THSD7B: variants seen among roughly 807,000 people sequenced by gnomAD.
THSD7B encodes the protein thrombospondin type-1 domain-containing protein 7B.
THSD7B carries 138 observed loss-of-function variants against 213.6 expected under a neutral mutation model. The ratio of observed to expected loss-of-function variants is 0.65; its 90% CI spans 0.56 to 0.74. The LOEUF is 0.74. THSD7B is among the 30% of genes least tolerant of loss of function. The pLI is 0.00. For missense variants in THSD7B, 1,931 were observed against 1,991.5 expected (o/e 0.97, Z 0.58); for synonymous variants, 742 against 687.0 (o/e 1.08, Z -1.25).
chr2:136,787,191 A>G (rs1681876171), intron 1 of THSD7B, among the ~76,000 whole-genome samples: 1 of 152,206 alleles, frequency 6.6e-6, no homozygotes, highest in African/African-American at 2.4e-5. Flanking sequence ...AGAGCACCTT[A>G]CAAATGAAAT....
chr2:137,026,125 C>T (rs1262932804), intron 2 of THSD7B, among the ~76,000 whole-genome samples: 1 of 152,090 alleles, frequency 6.6e-6, no homozygotes, highest in Non-Finnish European at 1.5e-5. Flanking sequence ...AATGATAGAA[C>T]AGGGATGGCA....
chr2:137,602,723 G>C (rs980731419), intron 17 of THSD7B, among the ~76,000 whole-genome samples: 3 of 152,118 alleles, frequency 2.0e-5, no homozygotes, highest in Non-Finnish European at 2.9e-5. Flanking sequence ...ACCCACTCTT[G>C]GGATAACAGA....
At chr2:137,622,934 T>A (rs536657973) in intron 20 of THSD7B, among the ~76,000 whole-genome samples, 1 of 152,196 alleles carries the variant, frequency 6.6e-6, no homozygotes, top group South Asian at 2.1e-4. Context: ...TCTGAAACTA[T>A]TCCAATCAAT....
At chr2:137,656,385 G>A (rs558355922) in intron 22 of THSD7B, among the ~76,000 whole-genome samples, 31 of 152,166 alleles carry the variant, frequency 2.0e-4, no homozygotes, top group African/African-American at 6.7e-4. Context: ...TGGTCCAAAA[G>A]ATAGTTCATT....
intron 14 of THSD7B, among the ~76,000 whole-genome samples, chr2:137,418,913 C>T (rs1686858718): frequency 6.7e-6 from 1 of 149,368 alleles, no homozygotes; most frequent in African/African-American, 2.5e-5. Context: ...ATATGTCTCA[C>T]TTTTTTTTTT....
chr2:137,098,452 T>C (rs1030190457), intron 4 of THSD7B, among the ~76,000 whole-genome samples: 1 of 152,064 alleles, frequency 6.6e-6, no homozygotes, highest in African/African-American at 2.4e-5. Flanking sequence ...ATGGTCCACT[T>C]GGTGGAAGAG....
At chr2:136,915,160 T>A (rs1406578320) in intron 2 of THSD7B, among the ~76,000 whole-genome samples, 5 of 152,208 alleles carry the variant, frequency 3.3e-5, no homozygotes, top group Non-Finnish European at 7.3e-5. Context: ...TGGAACCACA[T>A]CCATGCATTG....
At chr2:137,318,820 G>A (rs1389444738) in intron 12 of THSD7B, among the ~76,000 whole-genome samples, 24 of 109,610 alleles carry the variant, frequency 2.2e-4, no homozygotes, top group Non-Finnish European at 3.8e-4. Context: ...TTGAGATGGA[G>A]TCTCACTCTT....
At chr2:137,239,320 G>A (rs1190593166) in intron 9 of THSD7B, among the ~76,000 whole-genome samples, 1 of 151,602 alleles carries the variant, frequency 6.6e-6, no homozygotes, top group Non-Finnish European at 1.5e-5. Context: ...TTTTTTTTCT[G>A]TCTCTCTCTG....
Position 137,231,124 on chromosome 2 carries a change from T to C in THSD7B, c.1804T>C (p.Cys602Arg). The part of the protein sequence containing the change: ...KSCEIPCRMD[C>R]VLSEWTEWSS... The stretch of plus-strand genomic sequence containing the variant: ...TTGTGAAATTCCCTGCCGAATGGAC[T>C]GTGTGCTGAGCGAGTGGACGGAGTG... The change falls in exon 8 of 28, where the codon TGT becomes CGT. Residue 602 changes from cysteine to arginine, a missense_variant. Cys to Arg is a radical substitution (Grantham distance 180). Coordinates refer to ENST00000409968, the MANE Select transcript of THSD7B (RefSeq NM_001316349.2). 6.2e-7 allele frequency: 1 copy of C among 1,613,890 alleles called. No individual in the cohort carries two copies. Among genetic ancestry groups the C allele is most frequent in the Non-Finnish European group, 8.5e-7 (1 of 1,179,812 alleles).
chr2:137,475,704 C>A (rs1330551164), intron 15 of THSD7B, among the ~76,000 whole-genome samples: 1 of 151,992 alleles, frequency 6.6e-6, no homozygotes, highest in Non-Finnish European at 1.5e-5. Context: ...TTACATTTTC[C>A]TTATTGATAA....
intron 21 of THSD7B, among the ~76,000 whole-genome samples, chr2:137,652,905 A>G (rs1306102469): frequency 6.6e-6 from 1 of 152,068 alleles, no homozygotes; most frequent in East Asian, 1.9e-4. Flanking sequence ...TTATATTATC[A>G]TTCTTAGGTT....
At chr2:137,264,302 G>T (rs1281564958) in intron 10 of THSD7B, among the ~76,000 whole-genome samples, 1 of 151,432 alleles carries the variant, frequency 6.6e-6, no homozygotes, top group Non-Finnish European at 1.5e-5. Flanking sequence ...GCCCAGGCTG[G>T]GGTGCAGTGG....
intron 15 of THSD7B, among the ~76,000 whole-genome samples, chr2:137,543,603 A>G (rs1481775921): frequency 1.3e-5 from 2 of 151,896 alleles, no homozygotes; most frequent in African/African-American, 2.4e-5. Context: ...AACCAAAGAG[A>G]AAAGAGATAA....
At chr2:137,405,492 G>A (rs551433793) in intron 12 of THSD7B, 121 bp from the exon 13 acceptor site, 57 of 840,748 alleles carry the variant, frequency 6.8e-5, no homozygotes, top group African/African-American at 1.2e-4. Flanking sequence ...GTTGAACACC[G>A]TTTGCACCAT....
At chr2:137,394,527 G>C (rs899109400) in intron 12 of THSD7B, among the ~76,000 whole-genome samples, 2 of 135,886 alleles carry the variant, frequency 1.5e-5, no homozygotes, top group Non-Finnish European at 3.3e-5. Flanking sequence ...CTATATCTCT[G>C]TTTTGGTACC....
intron 12 of THSD7B, among the ~76,000 whole-genome samples, chr2:137,397,079 C>T (rs1257007848): frequency 2.0e-5 from 3 of 147,606 alleles, no homozygotes; most frequent in Admixed American, 1.3e-4. Flanking sequence ...AGATGGGTTT[C>T]CTGAATAGAG....
intron 12 of THSD7B, among the ~76,000 whole-genome samples, chr2:137,282,899 G>T (rs1264387176): frequency 1.3e-5 from 2 of 152,060 alleles, no homozygotes; most frequent in Non-Finnish European, 2.9e-5. Flanking sequence ...CTCTTTTTTG[G>T]TTCCAAATGA....
intron 14 of THSD7B, among the ~76,000 whole-genome samples, chr2:137,437,286 T>A (rs1347820886): frequency 6.6e-6 from 1 of 152,158 alleles, no homozygotes; most frequent in African/African-American, 2.4e-5. Flanking sequence ...AAATCCTTAC[T>A]AATGATGTTG....
Sources: allele counts gnomAD v4.1 joint callset (sites outside exome capture counted in the v4.1 genomes callset), GRCh38; gene constraint gnomAD v4.1.1; transcripts MANE v1.5; gene names NCBI Gene and HGNC (gene_info 2026-07-23, HGNC 2026-07-21).